The following ELP3 variants were observed in gnomAD, a reference collection of about 807,000 sequenced individuals.
ELP3 encodes elongator complex protein 3.
In ELP3, 56 loss-of-function variants were observed where a neutral mutation model predicts 74.9. The ratio of observed to expected loss-of-function variants is 0.75; its 90% CI spans 0.60 to 0.93. ELP3 has a LOEUF of 0.93. Ranked by LOEUF, ELP3 falls within the 40% of genes least tolerant of loss-of-function variation. ELP3 has a pLI of 0.00. For synonymous variants in ELP3, 222 were observed against 239.8 expected, an observed-to-expected ratio of 0.93 and a Z score of 0.68; for missense variants, 573 against 686.5, an observed-to-expected ratio of 0.83 and a Z score of 1.85.
intron 10 of ELP3, among the ~76,000 whole-genome samples, chr8:28,155,318 G>A (rs1037837330): frequency 6.6e-6 from 1 of 152,130 alleles, no homozygotes; most frequent in Admixed American, 6.5e-5. Flanking sequence ...CATAACTTCA[G>A]CTCTTGATGG....
chr8:28,151,566 C>T (rs1184262371), intron 10 of ELP3, among the ~76,000 whole-genome samples: 2 of 152,118 alleles, frequency 1.3e-5, no homozygotes, highest in East Asian at 1.9e-4. Flanking sequence ...TATAGTAACC[C>T]GATGGTAAGA....
At chr8:28,165,891 A>T (rs55999551) in intron 14 of ELP3, among the ~76,000 whole-genome samples, 5,194 of 152,260 alleles carry the variant, frequency 0.034, 322 homozygotes, top group African/African-American at 0.12. Flanking sequence ...ATTTTATAGC[A>T]GATTATCTTT....
At chr8:28,139,853 G>A (rs1446843837) in intron 10 of ELP3, among the ~76,000 whole-genome samples, 1 of 152,202 alleles carries the variant, frequency 6.6e-6, no homozygotes, top group Non-Finnish European at 1.5e-5. Context: ...GCTGAGGCAG[G>A]AGAATCACTT....
At chr8:28,148,135 A>G (rs1813500365) in intron 10 of ELP3, among the ~76,000 whole-genome samples, 2 of 152,208 alleles carry the variant, frequency 1.3e-5, no homozygotes, top group African/African-American at 2.4e-5. Flanking sequence ...CCATTAGATT[A>G]GTAGTAAATG....
chr8:28,152,839 A>G (rs1813693651), intron 10 of ELP3, among the ~76,000 whole-genome samples: 1 of 152,158 alleles, frequency 6.6e-6, no homozygotes, highest in African/African-American at 2.4e-5. Context: ...AGCAGCATGA[A>G]GTTTACTTCT....
chr8:28,103,057 C>T (rs1176634061), intron 3 of ELP3, among the ~76,000 whole-genome samples: 1 of 152,140 alleles, frequency 6.6e-6, no homozygotes, highest in Non-Finnish European at 1.5e-5. Context: ...GTAATCCCAG[C>T]TACTTGGGAG....
At chr8:28,179,555 T>G (rs1814914280) in intron 14 of ELP3, among the ~76,000 whole-genome samples, 1 of 152,180 alleles carries the variant, frequency 6.6e-6, no homozygotes, top group Non-Finnish European at 1.5e-5. Context: ...GCGTTACATT[T>G]ATTGTGCACT....
intron 14 of ELP3, among the ~76,000 whole-genome samples, chr8:28,178,340 G>A (rs901588451): frequency 6.6e-6 from 1 of 152,158 alleles, no homozygotes; most frequent in Non-Finnish European, 1.5e-5. Flanking sequence ...CATCCAAGAA[G>A]TGCCTCTGTT....
chr8:28,124,355 C>T lies in ELP3; in HGVS notation c.618-5147C>T, dbSNP rs147234269. 4.0e-4 allele frequency among the ~76,000 whole-genome samples: 61 copies of T among 152,158 alleles called. 2 individuals are homozygous for T. The East Asian group carries it at 9.8e-3, about 25-fold the overall frequency. On this transcript the variant is annotated intron_variant, in intron 7 of 14. Coordinates refer to ENST00000256398, the MANE Select transcript of ELP3 (RefSeq NM_018091.6). ...TTGCATTATTACCTGGTTTAATCCA[C>T]TTATTTTGTGTGTGTGATTTAGTTT...
In ELP3 at chr8:28,099,870, GC is replaced by G. The variant is rs1811403639; in HGVS notation, c.166del (p.Arg56AlafsTer17). On this transcript the variant is annotated frameshift_variant, in exon 3 of 15. Coordinates refer to ENST00000256398, the MANE Select transcript of ELP3 (RefSeq NM_018091.6). LOFTEE classifies it high-confidence loss of function. The stretch of plus-strand genomic sequence containing the variant: ...CTGCCAAATATGGCCTTTCTGCCCA[GC>G]CCCGCCTGGTGGATATCATTGCTGC... ...TAAKYGLSAQPRLVDIIAAVP... is the reference protein window; with the variant it reads ...TAAKYGLSAQXRLVDIIAAVP... 2 of 1,614,102 alleles carry G rather than the reference GC, an allele frequency of 1.2e-6. No homozygotes were observed. Among genetic ancestry groups the G allele is most frequent in the Non-Finnish European group, 1.7e-6 (2 of 1,180,048 alleles).
At chr8:28,175,984 T>C (rs1814737277) in intron 14 of ELP3, among the ~76,000 whole-genome samples, 1 of 151,798 alleles carries the variant, frequency 6.6e-6, no homozygotes, top group South Asian at 2.1e-4. Context: ...CTGGCTAATT[T>C]TTTTGTATTT....
intron 12 of ELP3, 122 bp from the exon 13 acceptor site, chr8:28,160,107 A>G (rs568769104): frequency 2.4e-6 from 2 of 849,378 alleles, no homozygotes; most frequent in African/African-American, 1.7e-5. Context: ...AAGAAACATA[A>G]TTAGTGATTA....
Position 28,113,496 on chromosome 8 carries a change from G to A in ELP3, c.617+323G>A, listed in dbSNP as rs1411216743. Among the ~76,000 whole-genome samples the A allele has an allele frequency of 1.9e-4, 6 of 31,704 alleles. No individual in the cohort carries two copies. In the African/African-American group the frequency reaches 2.6e-3, roughly 14 times the overall value. 20.8% of individuals were successfully genotyped at this position (31,704 alleles called of 152,430 possible). On this transcript the variant is annotated intron_variant, in intron 7 of 14. Coordinates refer to ENST00000256398, the MANE Select transcript of ELP3 (RefSeq NM_018091.6). Reference sequence around the variant, plus strand: ...AGCCCACCCAAGAAGGGGGCTGGGAGTATTTTAGCTGCTGTAAAATCAGCA... The same window carrying A: ...AGCCCACCCAAGAAGGGGGCTGGGAATATTTTAGCTGCTGTAAAATCAGCA...
chr8:28,138,129 G>A (rs189863842), intron 10 of ELP3, among the ~76,000 whole-genome samples: 69 of 152,252 alleles, frequency 4.5e-4, no homozygotes, highest in Admixed American at 1.1e-3. Flanking sequence ...AGCCATGACG[G>A]TCAATAGGCA....
At chr8:28,102,929 G>C (rs958564024) in intron 3 of ELP3, among the ~76,000 whole-genome samples, 1 of 152,132 alleles carries the variant, frequency 6.6e-6, no homozygotes, top group African/African-American at 2.4e-5. Context: ...TAGCACTTTG[G>C]GAGGCTGAGG....
chr8:28,130,710 A>G (rs569128728), intron 8 of ELP3, among the ~76,000 whole-genome samples: 7 of 152,352 alleles, frequency 4.6e-5, no homozygotes, highest in Admixed American at 3.9e-4. Context: ...AGAATACGAC[A>G]TCTGAGTTGG....
At chr8:28,106,932 T>A in intron 4 of ELP3, 149 bp downstream of exon 4, 1 of 616,184 alleles carries the variant, frequency 1.6e-6, no homozygotes, top group Non-Finnish European at 2.8e-6. Flanking sequence ...CAACCATTGG[T>A]AGATATTTTA....
At chr8:28,185,904 C>T (rs1463903919) in intron 14 of ELP3, among the ~76,000 whole-genome samples, 1 of 152,090 alleles carries the variant, frequency 6.6e-6, no homozygotes, top group South Asian at 2.1e-4. Context: ...AGAATTACTC[C>T]GAATTCTGAT....
In ELP3 at chr8:28,190,036, A is replaced by C; in HGVS notation, c.*311A>C. 3.7e-6 allele frequency: 1 copy of C among 267,336 alleles called. No homozygotes were observed. The highest frequency in any genetic ancestry group is 8.4e-5 in the East Asian group (1 of 11,868). The allele number at this position is 267,336 out of a possible 1,614,324, so 16.6% of individuals were successfully genotyped here. A position where few individuals can be genotyped will look rare whatever the true frequency, so the allele number is the denominator to read the frequency against. On this transcript the variant is annotated 3_prime_UTR_variant, in exon 15 of 15. Transcript: ENST00000256398. ...TTTTGACTCAGACGGTGAAAAAAGC[A>C]AATTAACTCATTTGGACACCATAAC...
Sources: gnomAD v4.1 joint callset for allele counts (sites outside exome capture counted in the v4.1 genomes callset) on GRCh38, gnomAD v4.1.1 for gene constraint, MANE v1.5 for transcripts, NCBI Gene and HGNC (gene_info 2026-07-23, HGNC 2026-07-21) for gene names.